The following NOVA2 variants were observed in gnomAD, a reference collection of about 807,000 sequenced individuals.
The protein encoded by NOVA2 is RNA-binding protein Nova-2.
Under a neutral mutation model 22.5 loss-of-function variants are expected in NOVA2, and 9 were observed. The ratio of observed to expected loss-of-function variants is 0.40; its 90% CI spans 0.24 to 0.70. NOVA2 has a LOEUF of 0.70. Among genes scored for constraint, NOVA2 ranks in the 30% least tolerant of loss-of-function variants. The pLI, the probability that NOVA2 is intolerant of heterozygous loss-of-function variation, is 0.38. For synonymous variants in NOVA2, 318 were observed against 335.2 expected, an observed-to-expected ratio of 0.95 and a Z score of 0.56; for missense variants, 383 against 682.8, an observed-to-expected ratio of 0.56 and a Z score of 4.89.
Position 45,953,939 on chromosome 19 carries a change from T to C in NOVA2, c.237A>G (p.Thr79=), listed in dbSNP as rs777962201. The part of the protein sequence containing the change: ...SKSKDFYPGT[T]ERVCLVQGTA... The stretch of plus-strand genomic sequence containing the variant: ...TGCCCTGTACTAGGCATACCCGCTC[T>C]GTGGTTCCTGTTGAGCAAGGGAGAG... The change falls in exon 3 of 4, where the codon ACA becomes ACG. Residue 79 remains threonine, a synonymous_variant. Transcript: ENST00000263257. 1.2e-6 allele frequency: 2 copies of C among 1,614,100 alleles called. No homozygotes were observed. Among genetic ancestry groups the C allele is most frequent in the East Asian group, 2.2e-5 (1 of 44,878 alleles).
Position 45,953,927 on chromosome 19 carries a change from G to A in NOVA2, c.249C>T (p.Cys83=), listed in dbSNP as rs756285352. Residue 83 remains cysteine, a synonymous_variant, in exon 3 of 4, where the codon TGC becomes TGT. Transcript: ENST00000263257. ...DFYPGTTERV[C]LVQGTAEALN... ...AGGCCTCTGCCGTGCCCTGTACTAG[G>A]CATACCCGCTCTGTGGTTCCTGTTG... 1 of 1,614,126 alleles carries A rather than the reference G, an allele frequency of 6.2e-7. No individual in the cohort carries two copies. Among genetic ancestry groups the A allele is most frequent in the Middle Eastern group, 1.6e-4 (1 of 6,062 alleles).
At chr19:45,963,179 T>C (rs1968121252) in intron 1 of NOVA2, among the ~76,000 whole-genome samples, 2 of 151,888 alleles carry the variant, frequency 1.3e-5, no homozygotes, top group African/African-American at 4.8e-5. Context: ...AAGAGACGGA[T>C]ACCATCCTGG....
rs760335347 is a variant in NOVA2, at chr19:45,953,762, G to A, written c.396+18C>T. The A allele has an allele frequency of 3.1e-6, 5 of 1,613,952 alleles. No individual in the cohort carries two copies. Among genetic ancestry groups the A allele is most frequent in the Non-Finnish European group, 4.2e-6 (5 of 1,179,926 alleles). The stretch of plus-strand genomic sequence containing the variant: ...ATGTCAACAGCTTTACAGCAACCCA[G>A]TCTCTGCCCCAGCTGACCTGCTTGG... On this transcript the variant is annotated intron_variant, in intron 3 of 3. Transcript: ENST00000263257.
At position 45,939,261 on chromosome 19, in the gene NOVA2, A is replaced by G. The variant is rs1967703568; in HGVS notation, c.*602T>C. Reference sequence around the variant, plus strand: ...AGCTCCAGTGGGAGGAGAGTAGCTGAGAAGATCTGGGAACTCTGGGGTCCT... The same window carrying G: ...AGCTCCAGTGGGAGGAGAGTAGCTGGGAAGATCTGGGAACTCTGGGGTCCT... On this transcript the variant is annotated 3_prime_UTR_variant, in exon 4 of 4. Transcript: ENST00000263257. The G allele has an allele frequency of 6.6e-6, 1 of 152,232 alleles. No individual in the cohort carries two copies. Among genetic ancestry groups the G allele is most frequent in the Non-Finnish European group, 1.5e-5 (1 of 68,126 alleles). 9.4% of individuals were successfully genotyped at this position (152,232 alleles called of 1,614,324 possible). A position where few individuals can be genotyped will look rare whatever the true frequency, so the allele number is the denominator to read the frequency against.
chr19:45,954,077 C>A, intron 2 of NOVA2, 131 bp from the exon 3 acceptor site: 1 of 993,696 alleles, frequency 1.0e-6, no homozygotes, highest in Admixed American at 2.4e-5. Context: ...CACGGTGAGC[C>A]TGGGGGAGCG....
rs1002418308 is a variant in NOVA2, at chr19:45,935,647, T to C, written c.*4216A>G. 2 of 152,336 alleles carry C rather than the reference T, an allele frequency of 1.3e-5. No individual in the cohort carries two copies. Among genetic ancestry groups the C allele is most frequent in the African/African-American group, 4.8e-5 (2 of 41,456 alleles). 9.4% of individuals were successfully genotyped at this position (152,336 alleles called of 1,614,324 possible). On this transcript the variant is annotated 3_prime_UTR_variant, in exon 4 of 4. Coordinates refer to ENST00000263257, the MANE Select transcript of NOVA2 (RefSeq NM_002516.4). ...CCATCCTCATCGCCACTCTTGTTAA[T>C]ACTTTTGCCACTGCACAGTCTATCA...
Position 45,940,271 on chromosome 19 carries a change from C to T in NOVA2, c.1071G>A (p.Ala357=). ...PPPPGALGSF[A]LAAAANGYLG... ...GGTAGCCGTTGGCGGCTGCGGCCAA[C>T]GCAAAGGACCCCAGGGCTCCGGGAG... is the stretch of plus-strand genomic sequence containing the variant. The change falls in exon 4 of 4, where the codon GCG becomes GCA. Residue 357 remains alanine, a synonymous_variant. Transcript: ENST00000263257. 1.8e-6 allele frequency: 2 copies of T among 1,104,092 alleles called. No individual in the cohort carries two copies. The highest frequency in any genetic ancestry group is 1.7e-5 in the African/African-American group (1 of 59,572). The allele number at this position is 1,104,092 out of a possible 1,614,324, so 68.4% of individuals were successfully genotyped here.
At chr19:45,950,760 A>ATACTAC (rs150093903) in intron 3 of NOVA2, among the ~76,000 whole-genome samples, 1 of 152,156 alleles carries the variant, frequency 6.6e-6, no homozygotes, top group Non-Finnish European at 1.5e-5. Context: ...AAATTTGCAA[A>ATACTAC]TACTACTACT....
intron 1 of NOVA2, among the ~76,000 whole-genome samples, chr19:45,965,334 G>A (rs899282040): frequency 6.6e-6 from 1 of 152,114 alleles, no homozygotes; most frequent in Non-Finnish European, 1.5e-5. Context: ...AAGAAAACTG[G>A]GGTCACCCTC....
chr19:45,952,779 CT>C (rs1430409957), intron 3 of NOVA2, among the ~76,000 whole-genome samples: 1 of 152,194 alleles, frequency 6.6e-6, no homozygotes, highest in Non-Finnish European at 1.5e-5. Flanking sequence ...GCCCTGCGGT[CT>C]TTTTTGGGAG....
chr19:45,943,403 A>G (rs559307196), intron 3 of NOVA2, among the ~76,000 whole-genome samples: 6 of 151,268 alleles, frequency 4.0e-5, no homozygotes, highest in Non-Finnish European at 8.9e-5. Flanking sequence ...ATGCTGATGA[A>G]GAGCCTGTTT....
At chr19:45,962,873 C>T (rs976903561) in intron 1 of NOVA2, among the ~76,000 whole-genome samples, 1 of 152,110 alleles carries the variant, frequency 6.6e-6, no homozygotes, top group African/African-American at 2.4e-5. Context: ...GTCTCAAACT[C>T]CTGATTTCAA....
rs756409134 is a variant in NOVA2, at chr19:45,939,815, AG to A, written c.*47del. On this transcript the variant is annotated 3_prime_UTR_variant, in exon 4 of 4. Coordinates refer to ENST00000263257, the MANE Select transcript of NOVA2 (RefSeq NM_002516.4). ...GTTGGGGGGGAGGAGGAGAGGGAAG[AG>A]GAGGAGATGGGAGGAGAGAAAAGGG... 131 of 1,606,726 alleles carry A rather than the reference AG, an allele frequency of 8.2e-5. No homozygotes were observed. Among genetic ancestry groups the A allele is most frequent in the Non-Finnish European group, 1.1e-4 (124 of 1,175,650 alleles).
At chr19:45,970,140 T>C (rs973912821) in intron 1 of NOVA2, among the ~76,000 whole-genome samples, 2 of 152,160 alleles carry the variant, frequency 1.3e-5, no homozygotes, top group African/African-American at 4.8e-5. Flanking sequence ...GTGCCTCAGT[T>C]TTTCATCTGT....
At chr19:45,955,946 C>T (rs1967999666) in intron 2 of NOVA2, among the ~76,000 whole-genome samples, 1 of 152,132 alleles carries the variant, frequency 6.6e-6, no homozygotes, top group African/African-American at 2.4e-5. Flanking sequence ...GTCTGGGATA[C>T]CTGGGGTGTG....
intron 2 of NOVA2, among the ~76,000 whole-genome samples, chr19:45,956,026 C>A (rs535545410): frequency 6.6e-6 from 1 of 152,274 alleles, no homozygotes; most frequent in African/African-American, 2.4e-5. Context: ...ATTGCCATTT[C>A]CCAGTCTGGC....
At chr19:45,958,436 G>C (rs770425101) in intron 2 of NOVA2, among the ~76,000 whole-genome samples, 1 of 151,266 alleles carries the variant, frequency 6.6e-6, no homozygotes, top group Non-Finnish European at 1.5e-5. Flanking sequence ...ATGAGTGTGA[G>C]AGCACGTGTG....
At chr19:45,968,345 C>T (rs1294644445) in intron 1 of NOVA2, among the ~76,000 whole-genome samples, 1 of 150,828 alleles carries the variant, frequency 6.6e-6, no homozygotes, top group Non-Finnish European at 1.5e-5. Context: ...GCAGTACTGC[C>T]GAGGAGGGGT....
At chr19:45,942,946 C>T (rs1967781497) in intron 3 of NOVA2, among the ~76,000 whole-genome samples, 1 of 151,792 alleles carries the variant, frequency 6.6e-6, no homozygotes, top group Admixed American at 6.6e-5. Context: ...GTTGCAAGGA[C>T]TGGGGGAAGA....
Sources: allele counts gnomAD v4.1 joint callset (sites outside exome capture counted in the v4.1 genomes callset), GRCh38; gene constraint gnomAD v4.1.1; transcripts MANE v1.5; gene names NCBI Gene and HGNC (gene_info 2026-07-23, HGNC 2026-07-21).